The following TBC1D17 variants were observed in gnomAD, a reference collection of about 807,000 sequenced individuals.
TBC1D17 encodes the protein TBC1 domain family member 17.
Under a neutral mutation model 78.8 loss-of-function variants are expected in TBC1D17, and 69 were observed. That is an observed-to-expected ratio of 0.88 (90% CI 0.72 to 1.07). The LOEUF (loss-of-function observed/expected upper bound fraction) is 1.07. TBC1D17 is among the 50% of genes least tolerant of loss of function. The probability of loss-of-function intolerance (pLI) is 0.00; values close to 1 mark genes in which losing one functional copy is unlikely to be tolerated. For missense variants in TBC1D17, 957 were observed against 861.0 expected (o/e 1.11, Z -1.39); for synonymous variants, 456 against 358.3 (o/e 1.27, Z -3.08).
Position 49,882,840 on chromosome 19 carries a change from C to T in TBC1D17, c.875C>T (p.Pro292Leu). Reference sequence around the variant, plus strand: ...GAGGAGTGGGCACGCCACGTGGGCCCTGAAGGTCGCCTGCAGCAGGTCCCT... The same window carrying T: ...GAGGAGTGGGCACGCCACGTGGGCCTTGAAGGTCGCCTGCAGCAGGTCCCT... The part of the protein sequence containing the change: ...TEEEWARHVG[P>L]EGRLQQVPEL... Residue 292 changes from proline (P) to leucine (L), a missense_variant, in exon 8 of 17, where the codon CCT becomes CTT. Pro to Leu is a moderately conservative substitution (Grantham distance 98). Transcript: ENST00000221543. 1 of 1,611,328 alleles carries T rather than the reference C, an allele frequency of 6.2e-7. No homozygotes were observed.
rs368672248 is a variant in TBC1D17 at position 49,884,506 on chromosome 19, A to T, written c.1291A>T (p.Ile431Phe). The change falls in exon 12 of 17, where the codon ATT becomes TTT. Residue 431 changes from isoleucine (I) to phenylalanine (F), a missense_variant. Coordinates refer to ENST00000221543, the MANE Select transcript of TBC1D17 (RefSeq NM_024682.3). ...SDLLSPILYVIQNEVDAFWCF... is the reference protein window; with the variant it reads ...SDLLSPILYVFQNEVDAFWCF... Reference sequence around the variant, plus strand: ...TCTTCTCTCCCCGATCCTCTACGTCATTCAGAACGAGGTGGATGCTTTCTG... The same window carrying T: ...TCTTCTCTCCCCGATCCTCTACGTCTTTCAGAACGAGGTGGATGCTTTCTG... 6.2e-7 allele frequency: 1 copy of T among 1,614,000 alleles called. No individual in the cohort carries two copies. The highest frequency in any genetic ancestry group is 8.5e-7 in the Non-Finnish European group (1 of 1,180,022).
chr19:49,886,067 G>A (rs1370382496), intron 13 of TBC1D17, among the ~76,000 whole-genome samples: 8 of 151,468 alleles, frequency 5.3e-5, no homozygotes, highest in Non-Finnish European at 1.0e-4. Flanking sequence ...ATCACCTGAG[G>A]TCAGGAGTTC....
intron 15 of TBC1D17, 87 bp downstream of exon 15, chr19:49,887,921 T>A: frequency 2.5e-6 from 3 of 1,177,496 alleles, no homozygotes; most frequent in Non-Finnish European, 3.6e-6. Context: ...AGGTGTTTAG[T>A]GTGGGATTAT....
Position 49,882,893 on chromosome 19 carries a change from G to A in TBC1D17, c.927+1G>A, listed in dbSNP as rs200802990. ...GCTGAAGAACCGGATCTTCTCGGGG[G>A]TGAGTGCCAGGACAGGTGGAAGAAT... On this transcript the variant is annotated splice_donor_variant, in intron 8 of 16. Coordinates refer to ENST00000221543, the MANE Select transcript of TBC1D17 (RefSeq NM_024682.3). LOFTEE classifies it high-confidence loss of function. 1 of 1,605,332 alleles carries A rather than the reference G, an allele frequency of 6.2e-7. No individual in the cohort carries two copies. The highest frequency in any genetic ancestry group is 1.3e-5 in the African/African-American group (1 of 74,462).
In TBC1D17 at chr19:49,881,290, G is replaced by C. The variant is rs1469036789; in HGVS notation, c.342G>C (p.Gln114His). ...TAGGTGCAGAGCCCAGCTGCCCCCA[G>C]GGCTCCTGGGCCTTCTCAGTGAGTC... is the stretch of plus-strand genomic sequence containing the variant. ...PTRGAEPSCP[Q>H]GSWAFSVSLG... The change falls in exon 5 of 17, where the codon CAG becomes CAC. Residue 114 changes from glutamine (Q) to histidine (H), a missense_variant. Gln to His is a conservative substitution (Grantham distance 24). Coordinates refer to ENST00000221543, the MANE Select transcript of TBC1D17 (RefSeq NM_024682.3). 3.1e-6 allele frequency: 5 copies of C among 1,612,946 alleles called. No individual in the cohort carries two copies. Among genetic ancestry groups the C allele is most frequent in the South Asian group, 1.1e-5 (1 of 91,076 alleles).
chr19:49,885,465 A>AT (rs200455433), intron 13 of TBC1D17: 152 of 150,276 alleles, frequency 1.0e-3, no homozygotes, highest in African/African-American at 3.4e-3. Context: ...AAAAAAAAAA[A>AT]AAAAATATAT....
At chr19:49,880,134 AG>A (rs1302392200) in intron 3 of TBC1D17, 144 bp from the exon 4 acceptor site, 9 of 980,740 alleles carry the variant, frequency 9.2e-6, no homozygotes, top group Non-Finnish European at 1.3e-5. Context: ...CTGGGATTAC[AG>A]GCGTGAGCCA....
chr19:49,879,833 C>G (rs1186168467), intron 3 of TBC1D17, among the ~76,000 whole-genome samples: 1 of 136,440 alleles, frequency 7.3e-6, no homozygotes. Context: ...TGAGCAAGTG[C>G]TGTACTTTCT....
intron 16 of TBC1D17, 40 bp downstream of exon 16, chr19:49,888,357 C>T (rs1308944618): frequency 6.5e-7 from 1 of 1,531,672 alleles, no homozygotes; most frequent in South Asian, 1.2e-5. Flanking sequence ...GCCCGAACCC[C>T]GACCGACCCC....
chr19:49,887,888 G>C (rs1236583829), intron 15 of TBC1D17, 54 bp downstream of exon 15: 2 of 1,424,010 alleles, frequency 1.4e-6, no homozygotes, highest in Non-Finnish European at 1.9e-6. Context: ...GCGCTGCCCA[G>C]GGCCGCAGTA....
chr19:49,888,175 C>G, intron 15 of TBC1D17, 56 bp from the exon 16 acceptor site: 1 of 1,549,954 alleles, frequency 6.5e-7, no homozygotes, highest in Non-Finnish European at 8.7e-7. Context: ...ACAGAGTGGG[C>G]GCTCGGGCGG....
At chr19:49,877,793 C>G (rs1052798248) in intron 1 of TBC1D17, 49 bp downstream of exon 1, 11 of 1,556,948 alleles carry the variant, frequency 7.1e-6, no homozygotes, top group Non-Finnish European at 9.6e-6. Context: ...CGAAACGCCC[C>G]GTCTAGTGAT....
Position 49,881,371 on chromosome 19 carries a change from G to A in TBC1D17, c.423G>A (p.Leu141=), listed in dbSNP as rs199731123. The A allele has an allele frequency of 5.6e-6, 9 of 1,613,324 alleles. No individual in the cohort carries two copies. The highest frequency in any genetic ancestry group is 8.5e-7 in the Non-Finnish European group (1 of 1,179,992). ...AGCCAGGCCTCAGCTGGGCCTACCTGGTTCTGGTGACCCAGGCTGGAGGTT... is the reference window on the plus strand; with the variant it reads ...AGCCAGGCCTCAGCTGGGCCTACCTAGTTCTGGTGACCCAGGCTGGAGGTT... The part of the protein sequence containing the change: ...RSKPGLSWAY[L]VLVTQAGGSL... Residue 141 remains leucine, a synonymous_variant, in exon 5 of 17, where the codon CTG becomes CTA. Coordinates refer to ENST00000221543, the MANE Select transcript of TBC1D17 (RefSeq NM_024682.3).
intron 3 of TBC1D17, chr19:49,879,536 C>G (rs2074991320): frequency 6.6e-6 from 1 of 152,096 alleles, no homozygotes; most frequent in African/African-American, 2.4e-5. Flanking sequence ...AGAATTTGTC[C>G]TGTGTCCTGG....
chr19:49,878,137 A>C lies in TBC1D17; in HGVS notation c.22-6A>C. The C allele has an allele frequency of 6.4e-7, 1 of 1,571,998 alleles. No individual in the cohort carries two copies. The highest frequency in any genetic ancestry group is 8.6e-7 in the Non-Finnish European group (1 of 1,159,216). Reference sequence around the variant, plus strand: ...CCCCAGCCCTCGCTGGTTCCCCCCAACTCAGGTGGTGTTTGAGAAGGGCGG... The same window carrying C: ...CCCCAGCCCTCGCTGGTTCCCCCCACCTCAGGTGGTGTTTGAGAAGGGCGG... On this transcript the variant is annotated splice_region_variant and splice_polypyrimidine_tract_variant and intron_variant, in intron 1 of 16. Coordinates refer to ENST00000221543, the MANE Select transcript of TBC1D17 (RefSeq NM_024682.3).
rs548712072 is a variant in TBC1D17 at position 49,882,750 on chromosome 19, C to T, written c.799-14C>T. On this transcript the variant is annotated splice_polypyrimidine_tract_variant and intron_variant, in intron 7 of 16. Coordinates refer to ENST00000221543, the MANE Select transcript of TBC1D17 (RefSeq NM_024682.3). ...CCCCGCCGAGCCCCAGGCTCATTTGCTCTTTGCCTGCAGGTGGAGCTGGGG... is the reference window on the plus strand; with the variant it reads ...CCCCGCCGAGCCCCAGGCTCATTTGTTCTTTGCCTGCAGGTGGAGCTGGGG... 1.9e-6 allele frequency: 3 copies of T among 1,547,408 alleles called. No homozygotes were observed. The African/African-American group carries it at 4.1e-5, about 21-fold the overall frequency.
chr19:49,882,179 C>T (rs1327789386), intron 6 of TBC1D17, 27 bp downstream of exon 6: 7 of 1,613,608 alleles, frequency 4.3e-6, no homozygotes, highest in Non-Finnish European at 5.1e-6. Flanking sequence ...GGAGGCCTGG[C>T]GGGTGTGGGC....
At position 49,888,742 on chromosome 19, in the gene TBC1D17, T is replaced by A; in HGVS notation, c.*118T>A. On this transcript the variant is annotated 3_prime_UTR_variant, in exon 17 of 17. Transcript: ENST00000221543. ...GCTGGCTTCATTAAACTGACACTTCTCATGTGCAGTTGGCTTCTTGTTGGT... is the reference window on the plus strand; with the variant it reads ...GCTGGCTTCATTAAACTGACACTTCACATGTGCAGTTGGCTTCTTGTTGGT... 1 of 967,324 alleles carries A rather than the reference T, an allele frequency of 1.0e-6. No homozygotes were observed. The highest frequency in any genetic ancestry group is 1.7e-5 in the South Asian group (1 of 58,020). The allele number at this position is 967,324 out of a possible 1,614,324, so 59.9% of individuals were successfully genotyped here. A position where few individuals can be genotyped will look rare whatever the true frequency, so the allele number is the denominator to read the frequency against.
chr19:49,877,828 C>T (rs2074969123), intron 1 of TBC1D17, 84 bp downstream of exon 1: 3 of 1,468,272 alleles, frequency 2.0e-6, no homozygotes, highest in South Asian at 2.5e-5. Context: ...GGCCTTGGCT[C>T]TCGAGAATCC....
Sources: gnomAD v4.1 joint callset for allele counts (sites outside exome capture counted in the v4.1 genomes callset) on GRCh38, gnomAD v4.1.1 for gene constraint, MANE v1.5 for transcripts, NCBI Gene and HGNC (gene_info 2026-07-23, HGNC 2026-07-21) for gene names.